HOMER2: variants seen among roughly 807,000 people sequenced by gnomAD.
HOMER2 encodes the protein homer scaffold protein 2, also known as homer protein homolog 2.
A neutral mutation model predicts 47.0 loss-of-function variants in HOMER2; 27 were observed. That is an observed-to-expected ratio of 0.57 (90% CI 0.42 to 0.79). The LOEUF (loss-of-function observed/expected upper bound fraction) is 0.79, where lower values mean the gene tolerates loss of function less well. Among genes scored for constraint, HOMER2 ranks in the 30% least tolerant of loss-of-function variants. The probability of loss-of-function intolerance (pLI) is 0.00; values close to 1 mark genes in which losing one functional copy is unlikely to be tolerated. For missense variants in HOMER2, 443 were observed against 435.0 expected, an observed-to-expected ratio of 1.02 and a Z score of -0.16; for synonymous variants, 161 against 163.8, an observed-to-expected ratio of 0.98 and a Z score of 0.13.
At chr15:82,944,167 T>C (rs986739878) in intron 1 of HOMER2, among the ~76,000 whole-genome samples, 1 of 152,196 alleles carries the variant, frequency 6.6e-6, no homozygotes, top group Admixed American at 6.5e-5. Flanking sequence ...AATGATACCA[T>C]ATGACTAACA....
chr15:82,970,384 C>A (rs922325025), intron 1 of HOMER2, among the ~76,000 whole-genome samples: 2 of 152,236 alleles, frequency 1.3e-5, no homozygotes, highest in Admixed American at 1.3e-4. Flanking sequence ...GGATAGGACA[C>A]TTCCTTCCAA....
At chr15:82,894,824 CAA>C (rs201306560) in intron 1 of HOMER2, among the ~76,000 whole-genome samples, 1 of 128,990 alleles carries the variant, frequency 7.8e-6, no homozygotes, top group African/African-American at 2.9e-5. Flanking sequence ...AGACAAGATA[CAA>C]AAAAAAAAAA....
intron 2 of HOMER2, among the ~76,000 whole-genome samples, chr15:82,891,761 G>C (rs903981816): frequency 6.6e-6 from 1 of 152,172 alleles, no homozygotes; most frequent in African/African-American, 2.4e-5. Context: ...TAAAAGAGCA[G>C]GCACGAGTGG....
intron 1 of HOMER2, among the ~76,000 whole-genome samples, chr15:82,976,321 C>T (rs991696052): frequency 2.0e-5 from 3 of 151,672 alleles, no homozygotes; most frequent in Non-Finnish European, 2.9e-5. Flanking sequence ...ATTTTTGAGA[C>T]GGAGTCCGCT....
chr15:82,971,850 T>C (rs756466880), intron 1 of HOMER2, among the ~76,000 whole-genome samples: 1 of 152,116 alleles, frequency 6.6e-6, no homozygotes, highest in East Asian at 1.9e-4. Flanking sequence ...AAGAGGTACA[T>C]CAGGACACAG....
intron 4 of HOMER2, among the ~76,000 whole-genome samples, chr15:82,861,030 A>T (rs72753993): frequency 0.2 from 28,457 of 139,572 alleles, 2,919 homozygotes; most frequent in Non-Finnish European, 0.23. Flanking sequence ...AGAAAAAAAG[A>T]GAAGAGAAAA....
intron 4 of HOMER2, among the ~76,000 whole-genome samples, chr15:82,861,101 A>G (rs2051775287): frequency 1.3e-5 from 2 of 152,216 alleles, no homozygotes; most frequent in Non-Finnish European, 2.9e-5. Flanking sequence ...GTGTGGTAAG[A>G]AAAAGCCTTA....
intron 1 of HOMER2, among the ~76,000 whole-genome samples, chr15:82,965,700 G>T (rs2054667789): frequency 6.6e-6 from 1 of 151,844 alleles, no homozygotes; most frequent in Non-Finnish European, 1.5e-5. Flanking sequence ...AGAATTAAAG[G>T]CACACATTGG....
At chr15:82,878,580 T>C (rs2052426299) in intron 2 of HOMER2, among the ~76,000 whole-genome samples, 1 of 152,218 alleles carries the variant, frequency 6.6e-6, no homozygotes, top group Non-Finnish European at 1.5e-5. Flanking sequence ...TTCCGCTCTA[T>C]TCTCTCTCCT....
chr15:82,925,627 T>A (rs1486248179), intron 1 of HOMER2, among the ~76,000 whole-genome samples: 1 of 152,184 alleles, frequency 6.6e-6, no homozygotes, highest in African/African-American at 2.4e-5. Context: ...AAGAGTTCCT[T>A]CTTCCCTTTG....
Position 82,892,858 on chromosome 15 carries a change from G to A in HOMER2, c.6-17C>T. On this transcript the variant is annotated splice_polypyrimidine_tract_variant and intron_variant, in intron 1 of 8. Coordinates refer to ENST00000450735, the MANE Select transcript of HOMER2 (RefSeq NM_004839.4). ...GGCTGTTCTCTGCAATAAGAGAGTG[G>A]GCGTGTGAGTTGAGAGAACATGACT... 2 of 1,508,230 alleles carry A rather than the reference G, an allele frequency of 1.3e-6. No homozygotes were observed. Among genetic ancestry groups the A allele is most frequent in the Non-Finnish European group, 1.8e-6 (2 of 1,113,334 alleles). 93.4% of individuals were successfully genotyped at this position (1,508,230 alleles called of 1,614,324 possible). A position where few individuals can be genotyped will look rare whatever the true frequency, so the allele number is the denominator to read the frequency against.
At chr15:82,973,349 C>T (rs1307250106) in intron 1 of HOMER2, among the ~76,000 whole-genome samples, 2 of 152,138 alleles carry the variant, frequency 1.3e-5, no homozygotes, top group Non-Finnish European at 2.9e-5. Context: ...ATTTCTCCTG[C>T]TTGCTTATCA....
intron 2 of HOMER2, among the ~76,000 whole-genome samples, chr15:82,881,422 C>G (rs1484295361): frequency 6.6e-6 from 1 of 152,146 alleles, no homozygotes; most frequent in Admixed American, 6.5e-5. Flanking sequence ...GGGAGTTTTC[C>G]ATAAGAGGCT....
At chr15:82,977,055 G>T (rs946718207) in intron 1 of HOMER2, among the ~76,000 whole-genome samples, 7 of 151,438 alleles carry the variant, frequency 4.6e-5, no homozygotes, top group African/African-American at 1.7e-4. Context: ...TGTTTGTGGG[G>T]TGAAAAAAAA....
chr15:82,835,615 CA>C (rs1456614714), downstream of HOMER2: 1 of 152,476 alleles, frequency 6.6e-6, no homozygotes, highest in Non-Finnish European at 1.5e-5. Flanking sequence ...AATGCAAATC[CA>C]ACTCCTGTGT....
At chr15:82,941,439 T>C (rs1457845546) in intron 1 of HOMER2, among the ~76,000 whole-genome samples, 1 of 81,602 alleles carries the variant, frequency 1.2e-5, no homozygotes, top group African/African-American at 6.0e-5. Flanking sequence ...TGAGAGTCTG[T>C]CTCAAAAAAA....
chr15:82,970,946 C>T (rs1299872274), intron 1 of HOMER2, among the ~76,000 whole-genome samples: 5 of 152,332 alleles, frequency 3.3e-5, no homozygotes, highest in South Asian at 4.1e-4. Flanking sequence ...CAGCTGTGTT[C>T]CAGAGCCTGT....
At chr15:82,845,952 C>T (rs909695059), downstream of HOMER2, 5 of 152,280 alleles carry the variant, frequency 3.3e-5, no homozygotes, top group African/African-American at 1.2e-4. Flanking sequence ...CAAATGTAGT[C>T]CACAGCAGGC....
chr15:82,920,733 T>C (rs941974489), intron 1 of HOMER2, among the ~76,000 whole-genome samples: 6 of 152,246 alleles, frequency 3.9e-5, no homozygotes, highest in Admixed American at 1.3e-4. Context: ...AGTCCTTAAC[T>C]TATCATATCT....
Sources: allele counts gnomAD v4.1 joint callset (sites outside exome capture counted in the v4.1 genomes callset), GRCh38; gene constraint gnomAD v4.1.1; transcripts MANE v1.5; gene names NCBI Gene and HGNC (gene_info 2026-07-23, HGNC 2026-07-21).